CTNNA2: variants seen among roughly 807,000 people sequenced by gnomAD.
CTNNA2 encodes catenin alpha-2.
Under a neutral mutation model 101.0 loss-of-function variants are expected in CTNNA2, and 42 were observed. The ratio of observed to expected loss-of-function variants is 0.42; its 90% CI spans 0.32 to 0.54. CTNNA2 has a LOEUF of 0.54. Ranked by LOEUF, CTNNA2 falls within the 20% of genes least tolerant of loss-of-function variation. The probability of loss-of-function intolerance (pLI) is 0.14; values close to 1 mark genes in which losing one functional copy is unlikely to be tolerated. For missense variants in CTNNA2, 871 were observed against 1,223.1 expected, an observed-to-expected ratio of 0.71 and a Z score of 4.29; for synonymous variants, 450 against 456.4, an observed-to-expected ratio of 0.99 and a Z score of 0.18.
chr2:79,222,620 C>G (rs564731727), intron 2 of CTNNA2, among the ~76,000 whole-genome samples: 7 of 152,296 alleles, frequency 4.6e-5, no homozygotes, highest in African/African-American at 1.4e-4. Context: ...ACATCAGTTT[C>G]AAGGGTAACT....
chr2:80,335,488 AC>A (rs888700279), intron 7 of CTNNA2, among the ~76,000 whole-genome samples: 1 of 152,146 alleles, frequency 6.6e-6, no homozygotes, highest in Non-Finnish European at 1.5e-5. Context: ...GTCTGAAAGT[AC>A]AGCGCAGTGT....
intron 1 of CTNNA2, among the ~76,000 whole-genome samples, chr2:79,536,675 C>A (rs1482428506): frequency 9.2e-6 from 1 of 108,866 alleles, no homozygotes; most frequent in Non-Finnish European, 2.0e-5. Flanking sequence ...TCACTTTCAC[C>A]ATGGATTTTT....
intron 1 of CTNNA2, among the ~76,000 whole-genome samples, chr2:79,563,198 T>TTC (rs1217993769): frequency 1.4e-5 from 2 of 147,520 alleles, no homozygotes; most frequent in African/African-American, 5.0e-5. Flanking sequence ...TTTTCCTTCA[T>TTC]TCTCTCAGTA....
intron 17 of CTNNA2, among the ~76,000 whole-genome samples, chr2:80,614,393 T>G (rs1698685430): frequency 6.6e-6 from 1 of 151,498 alleles, no homozygotes; most frequent in Non-Finnish European, 1.5e-5. Flanking sequence ...ATAAGTGATC[T>G]GGAGAGGATT....
intron 7 of CTNNA2, among the ~76,000 whole-genome samples, chr2:80,081,156 A>G (rs895634740): frequency 6.6e-6 from 1 of 151,272 alleles, no homozygotes; most frequent in Non-Finnish European, 1.5e-5. Context: ...ACTTCCCCTT[A>G]ATAAAAACAA....
chr2:80,220,897 T>C (rs1708534861), intron 7 of CTNNA2, among the ~76,000 whole-genome samples: 1 of 152,238 alleles, frequency 6.6e-6, no homozygotes, highest in Admixed American at 6.5e-5. Context: ...GTTTTTGTTT[T>C]CTGAGACAGA....
intron 7 of CTNNA2, among the ~76,000 whole-genome samples, chr2:80,214,231 A>C (rs889151283): frequency 6.6e-6 from 1 of 152,070 alleles, no homozygotes; most frequent in African/African-American, 2.4e-5. Context: ...TAATATTGTT[A>C]TGTGTGAATG....
chr2:80,033,181 C>G (rs1340718377), intron 7 of CTNNA2, among the ~76,000 whole-genome samples: 1 of 147,276 alleles, frequency 6.8e-6, no homozygotes, highest in Non-Finnish European at 1.5e-5. Flanking sequence ...CACACAAAAA[C>G]CCCCCAAAAA....
At chr2:80,215,673 C>T (rs995643942) in intron 7 of CTNNA2, among the ~76,000 whole-genome samples, 1 of 152,202 alleles carries the variant, frequency 6.6e-6, no homozygotes, top group African/African-American at 2.4e-5. Flanking sequence ...TCGGCCCCTA[C>T]TGGGAGGTGT....
At chr2:80,051,100 TTCACAATTGTTCTAG>T (rs1343030503) in intron 7 of CTNNA2, among the ~76,000 whole-genome samples, 2 of 152,162 alleles carry the variant, frequency 1.3e-5, no homozygotes, top group Non-Finnish European at 2.9e-5. Context: ...TGAAATACTA[TTCACAATTGTTCTAG>T]AAACAAAGGG....
At chr2:79,824,962 G>A (rs761353190) in intron 3 of CTNNA2, among the ~76,000 whole-genome samples, 5 of 152,096 alleles carry the variant, frequency 3.3e-5, no homozygotes, top group East Asian at 1.9e-4. Flanking sequence ...AAGCTGAGGT[G>A]GAGGATTGCT....
intron 7 of CTNNA2, among the ~76,000 whole-genome samples, chr2:80,174,413 C>T (rs1172889811): frequency 6.6e-6 from 1 of 152,192 alleles, no homozygotes; most frequent in Non-Finnish European, 1.5e-5. Context: ...TCCTAGTTAT[C>T]TAAGACGTCA....
intron 1 of CTNNA2, among the ~76,000 whole-genome samples, chr2:79,631,933 T>C (rs1462532420): frequency 6.6e-6 from 1 of 152,228 alleles, no homozygotes; most frequent in Non-Finnish European, 1.5e-5. Flanking sequence ...CCTCTGAGGA[T>C]ATATTTGTTT....
chr2:79,437,279 A>C (rs550465076), intron 4 of CTNNA2, among the ~76,000 whole-genome samples: 5 of 152,110 alleles, frequency 3.3e-5, no homozygotes, highest in African/African-American at 9.6e-5. Flanking sequence ...AGATAGATTT[A>C]TTTGTATATT....
intron 7 of CTNNA2, among the ~76,000 whole-genome samples, chr2:80,035,355 TA>T (rs1695578887): frequency 6.6e-6 from 1 of 152,060 alleles, no homozygotes; most frequent in South Asian, 2.1e-4. Flanking sequence ...CACTACCACC[TA>T]AAAAAAATTG....
At chr2:80,639,903 C>G (rs553881330) in intron 18 of CTNNA2, among the ~76,000 whole-genome samples, 3 of 152,026 alleles carry the variant, frequency 2.0e-5, no homozygotes, top group South Asian at 2.1e-4. Flanking sequence ...GAGTTCAAGA[C>G]CAGCCTGACC....
intron 14 of CTNNA2, among the ~76,000 whole-genome samples, chr2:80,588,131 G>A (rs970458262): frequency 2.0e-5 from 3 of 152,038 alleles, no homozygotes; most frequent in African/African-American, 7.2e-5. Flanking sequence ...TTATATTTTT[G>A]ATTCATTAAC....
intron 9 of CTNNA2, among the ~76,000 whole-genome samples, chr2:80,524,256 T>C (rs1475189750): frequency 6.6e-6 from 1 of 152,282 alleles, no homozygotes; most frequent in Non-Finnish European, 1.5e-5. Flanking sequence ...AATTAGGGGT[T>C]AGAAGAGGTA....
chr2:79,670,413 G>A (rs549586346), intron 2 of CTNNA2, among the ~76,000 whole-genome samples: 1 of 152,188 alleles, frequency 6.6e-6, no homozygotes, highest in Admixed American at 6.5e-5. Context: ...CTGCAGTTGC[G>A]ATTTGGGTGG....
Sources: gnomAD v4.1 joint callset for allele counts (sites outside exome capture counted in the v4.1 genomes callset) on GRCh38, gnomAD v4.1.1 for gene constraint, MANE v1.5 for transcripts, NCBI Gene and HGNC (gene_info 2026-07-23, HGNC 2026-07-21) for gene names.